The following CSKMT variants were observed in gnomAD, a reference collection of about 807,000 sequenced individuals.
The protein encoded by CSKMT is citrate synthase lysine methyltransferase.
Under a neutral mutation model 4.6 loss-of-function variants are expected in CSKMT, and 6 were observed. The ratio of observed to expected loss-of-function variants is 1.31; its 90% CI spans 0.72 to 2.59. The LOEUF (loss-of-function observed/expected upper bound fraction) is 2.59, where lower values mean the gene tolerates loss of function less well. CSKMT is among the 30% of genes most tolerant of loss of function. CSKMT has a pLI of 0.00. For synonymous variants in CSKMT, 142 were observed against 128.9 expected, an observed-to-expected ratio of 1.10 and a Z score of -0.69; for missense variants, 328 against 298.0, an observed-to-expected ratio of 1.10 and a Z score of -0.74.
In CSKMT at chr11:62,666,451, C is replaced by T; in HGVS notation, c.123C>T (p.Ala41=). 2 of 1,613,388 alleles carry T rather than the reference C, an allele frequency of 1.2e-6. No individual in the cohort carries two copies. Among genetic ancestry groups the T allele is most frequent in the Non-Finnish European group, 1.7e-6 (2 of 1,180,020 alleles). The change falls in exon 3 of 3, where the codon GCC becomes GCT. Residue 41 remains alanine (A), a synonymous_variant. Coordinates refer to ENST00000532971, the MANE Select transcript of CSKMT (RefSeq NM_001043229.2). The part of the protein sequence containing the change: ...ADRCLWDRLH[A]QPRLGTVPTF... ...GCTGTCTCTGGGATCGGCTGCATGC[C>T]CAGCCTCGTTTGGGCACTGTCCCCA... is the stretch of plus-strand genomic sequence containing the variant.
chr11:62,666,201 A>G (rs1236155948), intron 2 of CSKMT, 195 bp from the exon 3 acceptor site: 1 of 721,360 alleles, frequency 1.4e-6, no homozygotes, highest in Non-Finnish European at 2.3e-6. Flanking sequence ...TTAACCGGGC[A>G]CGATGGCGCC....
chr11:62,665,543 G>A (rs1397163379), intron 1 of CSKMT, 104 bp from the exon 2 acceptor site: 1 of 1,570,062 alleles, frequency 6.4e-7, no homozygotes, highest in Non-Finnish European at 8.6e-7. Flanking sequence ...CCCATCCGCT[G>A]GTTCTATCCT....
Position 62,667,106 on chromosome 11 carries a change from G to T in CSKMT, c.*55G>T. ...TTCTGTGGGCAAGGAGAGGGCTGAA[G>T]AACTGTCTTTGCAAGCTATCTGGCT... On this transcript the variant is annotated 3_prime_UTR_variant, in exon 3 of 3. Transcript: ENST00000532971. 6.7e-7 allele frequency: 1 copy of T among 1,502,164 alleles called. No homozygotes were observed. Among genetic ancestry groups the T allele is most frequent in the South Asian group, 1.3e-5 (1 of 74,872 alleles). 93.1% of individuals were successfully genotyped at this position (1,502,164 alleles called of 1,614,324 possible).
At position 62,666,357 on chromosome 11, in the gene CSKMT, C is replaced by T. The variant is rs746863829; in HGVS notation, c.68-39C>T. ...TGTATATACGACGTTTTTGCAGTGGCGACATAGACCAAGTGACACCCTCCA... is the reference window on the plus strand; with the variant it reads ...TGTATATACGACGTTTTTGCAGTGGTGACATAGACCAAGTGACACCCTCCA... On this transcript the variant is annotated intron_variant, in intron 2 of 2. Coordinates refer to ENST00000532971, the MANE Select transcript of CSKMT (RefSeq NM_001043229.2). 33 of 1,598,344 alleles carry T rather than the reference C, an allele frequency of 2.1e-5. No homozygotes were observed. In the Middle Eastern group the frequency reaches 4.9e-4, roughly 24 times the overall value.
intron 1 of CSKMT, 130 bp downstream of exon 1, chr11:62,665,462 C>G (rs914338142): frequency 8.3e-6 from 13 of 1,572,042 alleles, no homozygotes; most frequent in Non-Finnish European, 1.1e-5. Context: ...GGTGCCGCTC[C>G]CCGTAATGTA....
In CSKMT at chr11:62,665,615, C is replaced by A. The variant is rs767734152; in HGVS notation, c.-233-32C>A. The A allele has an allele frequency of 2.6e-6, 4 of 1,554,272 alleles. No homozygotes were observed. The Admixed American group carries it at 5.5e-5, about 21-fold the overall frequency. The stretch of plus-strand genomic sequence containing the variant: ...ACCGAGATCCAGCTGGCTCCTCCAT[C>A]GGGGTGCTCACACTTTCTCATTTGA... On this transcript the variant is annotated intron_variant, in intron 1 of 2. Transcript: ENST00000532971.
At position 62,666,662 on chromosome 11, in the gene CSKMT, G is replaced by A; in HGVS notation, c.334G>A (p.Ala112Thr). 2 of 1,614,148 alleles carry A rather than the reference G, an allele frequency of 1.2e-6. No individual in the cohort carries two copies. Among genetic ancestry groups the A allele is most frequent in the Non-Finnish European group, 1.7e-6 (2 of 1,180,032 alleles). ...GCTGGGGGTGGACTTTTCTCCTGTG[G>A]CTGTGGCCCACATGAATAGCCTCCT... is the stretch of plus-strand genomic sequence containing the variant. ...DVLGVDFSPV[A>T]VAHMNSLLEG... The change falls in exon 3 of 3, where the codon GCT becomes ACT. Residue 112 changes from alanine (A) to threonine (T), a missense_variant. Ala to Thr is a moderately conservative substitution (Grantham distance 58). Transcript: ENST00000532971.
rs1182902114 is a variant in CSKMT at position 62,666,989 on chromosome 11, C to T, written c.661C>T (p.Gln221Ter). ...GTCCTATGGCTGGACTGTGACTGTG[C>T]AGGAGCTAGGCCCGTTCAGGGGCAT... ...QGSYGWTVTVQELGPFRGITY... is the reference protein window; with the variant it reads ...QGSYGWTVTV The change falls in exon 3 of 3, where the codon CAG (glutamine) becomes TAG (stop). Residue 221 changes from glutamine (Q) to a stop codon, truncating the protein, a stop_gained. Transcript: ENST00000532971. LOFTEE classifies it high-confidence loss of function. 10 of 1,614,010 alleles carry T rather than the reference C, an allele frequency of 6.2e-6. No individual in the cohort carries two copies. The highest frequency in any genetic ancestry group is 1.3e-5 in the African/African-American group (1 of 75,052).
In CSKMT at chr11:62,666,692, G is replaced by A. The variant is rs1282825239; in HGVS notation, c.364G>A (p.Gly122Ser). ...GGCCCACATGAATAGCCTCCTGGAG[G>A]GTGGCCCAGGCCAAACACCTCTATG... ...AVAHMNSLLEGGPGQTPLCPG... is the reference protein window; with the variant it reads ...AVAHMNSLLESGPGQTPLCPG... Residue 122 changes from glycine (G) to serine (S), a missense_variant, in exon 3 of 3, where the codon GGT becomes AGT. Physicochemically the swap from Gly to Ser is moderately conservative, Grantham distance 56. Transcript: ENST00000532971. 9 of 1,614,026 alleles carry A rather than the reference G, an allele frequency of 5.6e-6. No homozygotes were observed. The highest frequency in any genetic ancestry group is 2.2e-5 in the South Asian group (2 of 91,090).
At position 62,665,815 on chromosome 11, in the gene CSKMT, C is replaced by T. The variant is rs1164200070; in HGVS notation, c.-65C>T. The T allele has an allele frequency of 6.3e-7, 1 of 1,585,300 alleles. No homozygotes were observed. The highest frequency in any genetic ancestry group is 8.6e-7 in the Non-Finnish European group (1 of 1,159,918). On this transcript the variant is annotated 5_prime_UTR_variant, in exon 2 of 3. Transcript: ENST00000532971. ...AGATCTTCCCCTGGACCTCAGGCCT[C>T]TCCGGCTGGAGTAGGGTGGACGCTT...
chr11:62,665,912 G>T lies in CSKMT; in HGVS notation c.33G>T (p.Pro11=). 6.2e-7 allele frequency: 1 copy of T among 1,613,352 alleles called. No homozygotes were observed. Among genetic ancestry groups the T allele is most frequent in the Non-Finnish European group, 8.5e-7 (1 of 1,179,862 alleles). The change falls in exon 2 of 3, where the codon CCG becomes CCT. Residue 11 remains proline (P), a synonymous_variant. Transcript: ENST00000532971. The part of the protein sequence containing the change: MAALRRMLHL[P]SLMMGTCRPF... The stretch of plus-strand genomic sequence containing the variant: ...CGCTGCGTCGAATGCTCCACTTGCC[G>T]AGCCTGATGATGGGGACGTGCCGCC...
Position 62,666,865 on chromosome 11 carries a change from G to A in CSKMT, c.537G>A (p.Gln179=), listed in dbSNP as rs368095657. Residue 179 remains glutamine (Q), a synonymous_variant, in exon 3 of 3, where the codon CAG becomes CAA. Coordinates refer to ENST00000532971, the MANE Select transcript of CSKMT (RefSeq NM_001043229.2). Reference sequence around the variant, plus strand: ...GGGGAGGTCTGCCTAGGGCTTACCAGCTTCTATCAGAATGCTTGAGGGTTC... The same window carrying A: ...GGGGAGGTCTGCCTAGGGCTTACCAACTTCTATCAGAATGCTTGAGGGTTC... ...VARGGLPRAY[Q]LLSECLRVLN... The A allele has an allele frequency of 9.3e-6, 15 of 1,614,068 alleles. No individual in the cohort carries two copies. Among genetic ancestry groups the A allele is most frequent in the Non-Finnish European group, 1.3e-5 (15 of 1,180,040 alleles).
chr11:62,667,392 A>G lies in CSKMT; in HGVS notation c.*341A>G, dbSNP rs1439587947. On this transcript the variant is annotated 3_prime_UTR_variant, in exon 3 of 3. Coordinates refer to ENST00000532971, the MANE Select transcript of CSKMT (RefSeq NM_001043229.2). Reference sequence around the variant, plus strand: ...TGAATCAAAACCCCTGCGCTGACTGACTTGTATAATCTAGTGGCCTAACCT... The same window carrying G: ...TGAATCAAAACCCCTGCGCTGACTGGCTTGTATAATCTAGTGGCCTAACCT... 2 of 914,624 alleles carry G rather than the reference A, an allele frequency of 2.2e-6. No homozygotes were observed. The highest frequency in any genetic ancestry group is 4.4e-5 in the Admixed American group (2 of 45,272). The allele number at this position is 914,624 out of a possible 1,614,324, so 56.7% of individuals were successfully genotyped here. A position where few individuals can be genotyped will look rare whatever the true frequency, so the allele number is the denominator to read the frequency against.
At chr11:62,665,426 C>T (rs767056007) in intron 1 of CSKMT, 94 bp downstream of exon 1, 29 of 1,532,548 alleles carry the variant, frequency 1.9e-5, no homozygotes, top group South Asian at 4.6e-5. Flanking sequence ...CAGGACCCTC[C>T]TTTTCTTGGC....
At position 62,667,731 on chromosome 11, in the gene CSKMT, T is replaced by G. The variant is rs1944858027; in HGVS notation, c.*680T>G. On this transcript the variant is annotated 3_prime_UTR_variant, in exon 3 of 3. Coordinates refer to ENST00000532971, the MANE Select transcript of CSKMT (RefSeq NM_001043229.2). ...TTCTTAAAGGACTTCTAGGGTCCTG[T>G]GGGCTCCAAGCCCAGCCTGGGATGG... 6.2e-7 allele frequency: 1 copy of G among 1,609,092 alleles called. No homozygotes were observed.
At position 62,667,764 on chromosome 11, in the gene CSKMT, G is replaced by C. The variant is rs767320802; in HGVS notation, c.*713G>C. 1.3e-6 allele frequency: 2 copies of C among 1,529,482 alleles called. No individual in the cohort carries two copies. Among genetic ancestry groups the C allele is most frequent in the East Asian group, 4.5e-5 (2 of 44,202 alleles). 94.7% of individuals were successfully genotyped at this position (1,529,482 alleles called of 1,614,324 possible). A position where few individuals can be genotyped will look rare whatever the true frequency, so the allele number is the denominator to read the frequency against. ...AAGCCCAGCCTGGGATGGAGGAAGA[G>C]AGGGGACAAAAATATTACTGATATA... On this transcript the variant is annotated 3_prime_UTR_variant, in exon 3 of 3. Coordinates refer to ENST00000532971, the MANE Select transcript of CSKMT (RefSeq NM_001043229.2).
chr11:62,666,521 C>T lies in CSKMT; in HGVS notation c.193C>T (p.Leu65=). 1.2e-6 allele frequency: 2 copies of T among 1,614,168 alleles called. No homozygotes were observed. Among genetic ancestry groups the T allele is most frequent in the East Asian group, 4.5e-5 (2 of 44,886 alleles). Residue 65 remains leucine, a synonymous_variant, in exon 3 of 3, where the codon CTG becomes TTG. Coordinates refer to ENST00000532971, the MANE Select transcript of CSKMT (RefSeq NM_001043229.2). The stretch of plus-strand genomic sequence containing the variant: ...ATACGACGAAGTCCAGGGGCTCCTA[C>T]TGCCATTGCTGCAGGAGGCACAGGC... ...FGYDEVQGLL[L]PLLQEAQAAS...
Position 62,665,957 on chromosome 11 carries a change from G to C in CSKMT, c.67+11G>C. On this transcript the variant is annotated intron_variant, in intron 2 of 2. Transcript: ENST00000532971. Reference sequence around the variant, plus strand: ...GCCGCCCCTTTGCGGGTAGGGAGGTGGGGGCAGAGTGGAGAGGGCAAGGTG... The same window carrying C: ...GCCGCCCCTTTGCGGGTAGGGAGGTCGGGGCAGAGTGGAGAGGGCAAGGTG... 6.2e-7 allele frequency: 1 copy of C among 1,602,298 alleles called. No individual in the cohort carries two copies. Among genetic ancestry groups the C allele is most frequent in the Admixed American group, 1.7e-5 (1 of 59,852 alleles).
chr11:62,665,355 T>G (rs1043324383), intron 1 of CSKMT, 23 bp downstream of exon 1: 11 of 854,952 alleles, frequency 1.3e-5, no homozygotes, highest in South Asian at 6.0e-5. Flanking sequence ...TTAGCTGTAG[T>G]AGCCAGATTG....
Sources: allele counts gnomAD v4.1 joint callset, GRCh38; gene constraint gnomAD v4.1.1; transcripts MANE v1.5; gene names NCBI Gene and HGNC (gene_info 2026-07-23, HGNC 2026-07-21).